NUDT5: variants seen among roughly 807,000 people sequenced by gnomAD.
NUDT5 encodes the protein nudix hydrolase 5, also known as ADP-sugar pyrophosphatase.
NUDT5 carries 21 observed loss-of-function variants against 34.1 expected under a neutral mutation model. The observed-to-expected ratio is 0.62, with a 90% CI of 0.44 to 0.89. The LOEUF (loss-of-function observed/expected upper bound fraction) is 0.89. Among genes scored for constraint, NUDT5 ranks in the 40% least tolerant of loss-of-function variants. The pLI is 0.00. For synonymous variants in NUDT5, 85 were observed against 97.6 expected, an observed-to-expected ratio of 0.87 and a Z score of 0.76; for missense variants, 249 against 274.8, an observed-to-expected ratio of 0.91 and a Z score of 0.66.
chr10:12,180,239 C>A (rs1050122574), intron 3 of NUDT5, among the ~76,000 whole-genome samples: 3 of 152,098 alleles, frequency 2.0e-5, no homozygotes, highest in African/African-American at 7.2e-5. Context: ...AGCATTGTAC[C>A]CAAATTCCGA....
intron 3 of NUDT5, chr10:12,184,442 G>A: frequency 6.7e-7 from 1 of 1,492,112 alleles, no homozygotes; most frequent in Non-Finnish European, 9.1e-7. Context: ...ATGAAATAGG[G>A]TGTACAAAAT....
At chr10:12,177,037 G>A (rs1207737533) in intron 5 of NUDT5, among the ~76,000 whole-genome samples, 14 of 150,216 alleles carry the variant, frequency 9.3e-5, no homozygotes, top group Non-Finnish European at 1.3e-4. Context: ...CAGGAGAATC[G>A]CTTGAACCCA....
intron 1 of NUDT5, among the ~76,000 whole-genome samples, chr10:12,188,922 A>G (rs1162071227): frequency 6.6e-6 from 1 of 152,164 alleles, no homozygotes; most frequent in African/African-American, 2.4e-5. Context: ...AGTAATCTAC[A>G]CGGAGTGATC....
In NUDT5 at chr10:12,169,132, TG is replaced by T. The variant is rs1176035144; in HGVS notation, c.551-1322del. 4 of 580,088 alleles carry T rather than the reference TG, an allele frequency of 6.9e-6. No individual in the cohort carries two copies. The highest frequency in any genetic ancestry group is 1.2e-5 in the Non-Finnish European group (4 of 325,498). 35.9% of individuals were successfully genotyped at this position (580,088 alleles called of 1,614,324 possible). ...AATGTTGCTGGTTGAATAAACGGTT[TG>T]ATTACTGTATTTTGATTCTGCTAAA... On this transcript the variant is annotated intron_variant, in intron 9 of 9. Coordinates refer to ENST00000491614, the MANE Select transcript of NUDT5 (RefSeq NM_014142.4). The surrounding 1 kb of genome is among the most constrained non-coding windows in gnomAD (Gnocchi z 4.8).
chr10:12,169,163 G>C lies in NUDT5; in HGVS notation c.551-1352C>G. ...CTGTATTTTGATTCTGCTAAAGCTA[G>C]GCAACTTGGTTCTTTTACCCCTCCT... On this transcript the variant is annotated intron_variant, in intron 9 of 9. Transcript: ENST00000491614. This position sits in a 1 kb window ranked among gnomAD's most constrained non-coding sequence, Gnocchi z 4.8. The C allele has an allele frequency of 1.4e-6, 1 of 699,636 alleles. No individual in the cohort carries two copies. Among genetic ancestry groups the C allele is most frequent in the South Asian group, 2.0e-5 (1 of 49,840 alleles). 43.3% of individuals were successfully genotyped at this position (699,636 alleles called of 1,614,324 possible).
At position 12,169,351 on chromosome 10, in the gene NUDT5, A is replaced by C; in HGVS notation, c.550+1366T>G. On this transcript the variant is annotated intron_variant, in intron 9 of 9. Transcript: ENST00000491614. The surrounding 1 kb of genome is among the most constrained non-coding windows in gnomAD (Gnocchi z 4.8). ...AAAAGATAACCCCGCACGGCATTTC[A>C]CACTTGCCTACGTCACCCTGCTTTC... The C allele has an allele frequency of 1.3e-6, 2 of 1,484,324 alleles. No homozygotes were observed. Among genetic ancestry groups the C allele is most frequent in the Non-Finnish European group, 1.8e-6 (2 of 1,089,828 alleles). 91.9% of individuals were successfully genotyped at this position (1,484,324 alleles called of 1,614,324 possible). A position where few individuals can be genotyped will look rare whatever the true frequency, so the allele number is the denominator to read the frequency against.
intron 7 of NUDT5, chr10:12,172,477 C>A (rs1325191539): frequency 4.7e-6 from 2 of 429,646 alleles, no homozygotes; most frequent in African/African-American, 2.0e-5. Flanking sequence ...CTGTTTACTA[C>A]TTAAGCCTGC....
At position 12,170,003 on chromosome 10, in the gene NUDT5, C is replaced by T; in HGVS notation, c.550+714G>A. The T allele has an allele frequency of 1.1e-6, 1 of 944,680 alleles. No homozygotes were observed. Among genetic ancestry groups the T allele is most frequent in the East Asian group, 2.4e-5 (1 of 41,440 alleles). The allele number at this position is 944,680 out of a possible 1,614,324, so 58.5% of individuals were successfully genotyped here. On this transcript the variant is annotated intron_variant, in intron 9 of 9. Coordinates refer to ENST00000491614, the MANE Select transcript of NUDT5 (RefSeq NM_014142.4). This position sits in a 1 kb window ranked among gnomAD's most constrained non-coding sequence, Gnocchi z 4.9. ...AGATGAGTGAAAGGGATTTGCCAGCCCATACAGAGGTGCTCCTTGAAGGGC... is the reference window on the plus strand; with the variant it reads ...AGATGAGTGAAAGGGATTTGCCAGCTCATACAGAGGTGCTCCTTGAAGGGC...
At chr10:12,185,219 G>A (rs1416019642) in intron 2 of NUDT5, among the ~76,000 whole-genome samples, 3 of 152,166 alleles carry the variant, frequency 2.0e-5, no homozygotes, top group African/African-American at 7.2e-5. Flanking sequence ...AAAAACTCCT[G>A]GGGGCTGGGG....
chr10:12,191,377 C>A (rs1168709204), intron 1 of NUDT5, among the ~76,000 whole-genome samples: 1 of 151,238 alleles, frequency 6.6e-6, no homozygotes, highest in African/African-American at 2.4e-5. Context: ...AGCAAGACTC[C>A]GTCTCAAAAA....
chr10:12,167,936 CGT>C (rs1564420326), intron 9 of NUDT5, 125 bp from the exon 10 acceptor site: 1 of 1,427,106 alleles, frequency 7.0e-7, no homozygotes, highest in African/African-American at 1.6e-5. Context: ...CTGGTGATAA[CGT>C]TTTTTTTGGT....
chr10:12,184,828 C>T (rs1835099078), intron 3 of NUDT5, 61 bp downstream of exon 3: 12 of 935,212 alleles, frequency 1.3e-5, no homozygotes, highest in Middle Eastern at 2.2e-4. Flanking sequence ...ATGCAAAACA[C>T]TCAACAGATA....
At position 12,192,673 on chromosome 10, in the gene NUDT5, A is replaced by AC. The variant is rs150723718; in HGVS notation, c.-42+3096dup. Among the ~76,000 whole-genome samples, 1,002 of 152,146 alleles carry AC rather than the reference A, an allele frequency of 6.6e-3. 14 individuals are homozygous for AC. Among genetic ancestry groups the AC allele is most frequent in the African/African-American group, 0.022 (909 of 41,510 alleles). ...GTTCGAGCCTAACCAACATAGTGAA[A>AC]CCCCCATCTCTGCTAAAAATACAAA... On this transcript the variant is annotated intron_variant, in intron 1 of 9. Transcript: ENST00000491614.
chr10:12,185,029 C>T (rs1341370418), intron 2 of NUDT5, 73 bp from the exon 3 acceptor site: 5 of 773,682 alleles, frequency 6.5e-6, no homozygotes, highest in Non-Finnish European at 1.1e-5. Context: ...GTTTTTCTTT[C>T]ACATTTCCTC....
rs949725703 is a variant in NUDT5, at chr10:12,187,105, T to C, written c.-41-773A>G. Among the ~76,000 whole-genome samples the C allele has an allele frequency of 2.6e-5, 4 of 152,176 alleles. No homozygotes were observed. The South Asian group carries it at 8.3e-4, about 32-fold the overall frequency. On this transcript the variant is annotated intron_variant, in intron 1 of 9. Coordinates refer to ENST00000491614, the MANE Select transcript of NUDT5 (RefSeq NM_014142.4). This position sits in a 1 kb window ranked among gnomAD's most constrained non-coding sequence, Gnocchi z 5.4. ...TGGAGTGCAGTGGCGAAATCATGGC[T>C]CACTGTAGCCTCTACCTCCCAAGCT... is the stretch of plus-strand genomic sequence containing the variant.
rs1169070174 is a variant in NUDT5 at position 12,181,670 on chromosome 10, C to T, written c.132-2538G>A. Among the ~76,000 whole-genome samples, 3 of 151,922 alleles carry T rather than the reference C, an allele frequency of 2.0e-5. No individual in the cohort carries two copies. The highest frequency in any genetic ancestry group is 2.9e-5 in the Non-Finnish European group (2 of 68,004). On this transcript the variant is annotated intron_variant, in intron 3 of 9. Transcript: ENST00000491614. This position sits in a 1 kb window ranked among gnomAD's most constrained non-coding sequence, Gnocchi z 5.0. ...TGTGGGAGTACCTGCAGAGGGAAGT[C>T]GCCGTGTGCGTGCAAAGGATATATC... is the stretch of plus-strand genomic sequence containing the variant.
At position 12,171,509 on chromosome 10, in the gene NUDT5, A is replaced by C. The variant is rs1038141782; in HGVS notation, c.488-601T>G. 6.6e-6 allele frequency among the ~76,000 whole-genome samples: 1 copy of C among 152,114 alleles called. No homozygotes were observed. Among genetic ancestry groups the C allele is most frequent in the Admixed American group, 6.5e-5 (1 of 15,268 alleles). ...GCAGACACCTGGGTTGTTTCCACAG[A>C]GGCGGCCATGAACACAGGCACGCAA... is the stretch of plus-strand genomic sequence containing the variant. On this transcript the variant is annotated intron_variant, in intron 7 of 9. Transcript: ENST00000491614. This position sits in a 1 kb window ranked among gnomAD's most constrained non-coding sequence, Gnocchi z 4.2.
chr10:12,182,285 T>C lies in NUDT5; in HGVS notation c.131+2604A>G, dbSNP rs1253673240. 6.6e-6 allele frequency among the ~76,000 whole-genome samples: 1 copy of C among 152,184 alleles called. No homozygotes were observed. Among genetic ancestry groups the C allele is most frequent in the Non-Finnish European group, 1.5e-5 (1 of 68,038 alleles). On this transcript the variant is annotated intron_variant, in intron 3 of 9. Transcript: ENST00000491614. This position sits in a 1 kb window ranked among gnomAD's most constrained non-coding sequence, Gnocchi z 4.3. Reference sequence around the variant, plus strand: ...GGAATTCTCCAGCTGGGGCATCATGTTGGCAATGAAAAGGTTTTGGATTTT... The same window carrying C: ...GGAATTCTCCAGCTGGGGCATCATGCTGGCAATGAAAAGGTTTTGGATTTT...
At chr10:12,193,601 G>T (rs1245224523) in intron 1 of NUDT5, among the ~76,000 whole-genome samples, 2 of 152,158 alleles carry the variant, frequency 1.3e-5, no homozygotes, top group African/African-American at 4.8e-5. Flanking sequence ...CCCTCATTTA[G>T]CTGTATCCAT....
Sources: gnomAD v4.1 joint callset for allele counts (sites outside exome capture counted in the v4.1 genomes callset) on GRCh38, gnomAD v4.1.1 for gene constraint, Gnocchi (gnomAD v3.1) non-coding constraint, MANE v1.5 for transcripts, NCBI Gene and HGNC (gene_info 2026-07-23, HGNC 2026-07-21) for gene names.